The following DSCAM variants were observed in gnomAD, a reference collection of about 807,000 sequenced individuals.
DSCAM encodes the protein cell adhesion molecule DSCAM.
Under a neutral mutation model 217.7 loss-of-function variants are expected in DSCAM, and 47 were observed. The ratio of observed to expected loss-of-function variants is 0.22; its 90% CI spans 0.17 to 0.28. The LOEUF is 0.28. Among genes scored for constraint, DSCAM ranks in the 10% least tolerant of loss-of-function variants. The pLI, the probability that DSCAM is intolerant of heterozygous loss-of-function variation, is 1.00. For missense variants in DSCAM, 2,080 were observed against 2,618.3 expected (o/e 0.79, Z 4.49); for synonymous variants, 1,056 against 1,015.3 (o/e 1.04, Z -0.76).
In DSCAM at chr21:40,111,350, C is replaced by G. The variant is rs1366706248; in HGVS notation, c.3696+12845G>C. 3.3e-5 allele frequency among the ~76,000 whole-genome samples: 5 copies of G among 151,820 alleles called. No homozygotes were observed. In the East Asian group the frequency reaches 9.6e-4, roughly 29 times the overall value. ...AGTGAAGGAGAAATAAAATACTTTA[C>G]AGACAAGCAAATGCTGAGAGATTTT... On this transcript the variant is annotated intron_variant, in intron 20 of 32. Transcript: ENST00000400454.
chr21:40,623,367 A>G (rs1289534419), intron 3 of DSCAM, among the ~76,000 whole-genome samples: 1 of 152,222 alleles, frequency 6.6e-6, no homozygotes, highest in Non-Finnish European at 1.5e-5. Flanking sequence ...ACTTTGATGT[A>G]GCAAAAATTG....
At chr21:40,805,580 G>C (rs2091778785) in intron 1 of DSCAM, among the ~76,000 whole-genome samples, 1 of 152,042 alleles carries the variant, frequency 6.6e-6, no homozygotes, top group African/African-American at 2.4e-5. Flanking sequence ...ATGACCCCTT[G>C]ACCCCTCCAG....
intron 2 of DSCAM, among the ~76,000 whole-genome samples, chr21:40,696,327 A>T (rs2410286): frequency 0.11 from 17,084 of 152,160 alleles, 1,520 homozygotes; most frequent in African/African-American, 0.25. Flanking sequence ...AGCTGGGTTC[A>T]AGCGACTGAG....
intron 3 of DSCAM, among the ~76,000 whole-genome samples, chr21:40,636,814 G>A (rs1046794109): frequency 1.4e-5 from 2 of 147,258 alleles, no homozygotes; most frequent in Admixed American, 6.9e-5. Context: ...CATAGCTTGA[G>A]GATATGCTCC....
intron 3 of DSCAM, among the ~76,000 whole-genome samples, chr21:40,425,833 G>A (rs1308458553): frequency 6.6e-6 from 1 of 151,924 alleles, no homozygotes; most frequent in East Asian, 1.9e-4. Context: ...ACATGCATGT[G>A]TATCCATAAA....
chr21:40,816,195 G>A (rs1386585199), intron 1 of DSCAM, among the ~76,000 whole-genome samples: 1 of 152,226 alleles, frequency 6.6e-6, no homozygotes. Context: ...CAAACGAGAA[G>A]AAGTGTGATT....
chr21:40,471,267 T>C (rs1444154961), intron 3 of DSCAM, among the ~76,000 whole-genome samples: 1 of 152,194 alleles, frequency 6.6e-6, no homozygotes, highest in African/African-American at 2.4e-5. Context: ...TATGCTTATG[T>C]CAACTCTAAG....
chr21:40,478,591 C>G (rs2075956741), intron 3 of DSCAM, among the ~76,000 whole-genome samples: 1 of 152,062 alleles, frequency 6.6e-6, no homozygotes, highest in Non-Finnish European at 1.5e-5. Flanking sequence ...CAGTTCTTGG[C>G]CAATAGGGAG....
In DSCAM at chr21:40,142,681, C is replaced by T. The variant is rs766756553; in HGVS notation, c.3283G>A (p.Val1095Ile). The T allele has an allele frequency of 8.7e-6, 14 of 1,613,968 alleles. No individual in the cohort carries two copies. The highest frequency in any genetic ancestry group is 2.7e-5 in the African/African-American group (2 of 74,900). The change falls in exon 18 of 33, where the codon GTC (valine) becomes ATC (isoleucine). Residue 1095 changes from valine to isoleucine, a missense_variant. Physicochemically the swap from Val to Ile is conservative, Grantham distance 29. Coordinates refer to ENST00000400454, the MANE Select transcript of DSCAM (RefSeq NM_001389.5). ...TCTGGTGATGTTGCTATGGCTTGGA[C>T]ATTTTCGGGGGGGTAACTGGGCACT... ...EDVPSYPPEN[V>I]QAIATSPESI...
At chr21:40,530,449 T>C (rs561998094) in intron 3 of DSCAM, among the ~76,000 whole-genome samples, 1 of 152,332 alleles carries the variant, frequency 6.6e-6, no homozygotes, top group Non-Finnish European at 1.5e-5. Context: ...TGTCTTGAAC[T>C]GAGTTTACAC....
intron 32 of DSCAM, among the ~76,000 whole-genome samples, chr21:40,013,792 A>C (rs905250241): frequency 1.3e-5 from 2 of 152,174 alleles, no homozygotes; most frequent in African/African-American, 4.8e-5. Context: ...TTGAGGAGAG[A>C]GCCAGGGACG....
chr21:40,363,872 T>A (rs1033519938), intron 4 of DSCAM, among the ~76,000 whole-genome samples: 1 of 152,134 alleles, frequency 6.6e-6, no homozygotes, highest in Non-Finnish European at 1.5e-5. Context: ...GCAAAGGATA[T>A]GAACAGACAC....
At chr21:40,276,947 T>C (rs1177617942) in intron 10 of DSCAM, among the ~76,000 whole-genome samples, 1 of 151,786 alleles carries the variant, frequency 6.6e-6, no homozygotes, top group African/African-American at 2.4e-5. Flanking sequence ...GTATGATTCA[T>C]ATGAAGGATT....
chr21:40,443,289 C>T (rs531919334), intron 3 of DSCAM, among the ~76,000 whole-genome samples: 4 of 152,308 alleles, frequency 2.6e-5, no homozygotes, highest in South Asian at 4.1e-4. Context: ...GCATAATGTA[C>T]CCTACTTGGT....
At chr21:40,132,864 A>G (rs2090167930) in intron 19 of DSCAM, among the ~76,000 whole-genome samples, 1 of 152,200 alleles carries the variant, frequency 6.6e-6, no homozygotes, top group Admixed American at 6.5e-5. Flanking sequence ...ATACTCTAGT[A>G]GTGGGGGAGA....
chr21:40,436,707 C>T (rs2075586274), intron 3 of DSCAM, among the ~76,000 whole-genome samples: 2 of 152,134 alleles, frequency 1.3e-5, no homozygotes, highest in African/African-American at 4.8e-5. Flanking sequence ...CTAGGCCGCC[C>T]TCGTTAAAAA....
chr21:40,071,398 TTTTC>T (rs1236701719), intron 27 of DSCAM, among the ~76,000 whole-genome samples: 5 of 152,282 alleles, frequency 3.3e-5, no homozygotes, highest in East Asian at 1.9e-4. Flanking sequence ...TAGAGTCCCA[TTTTC>T]TTTCTTTCTT....
intron 3 of DSCAM, among the ~76,000 whole-genome samples, chr21:40,650,154 A>G (rs1006048097): frequency 7.2e-5 from 11 of 152,130 alleles, no homozygotes; most frequent in African/African-American, 2.7e-4. Flanking sequence ...ACTGCTTCCC[A>G]AGGTCAAATG....
At chr21:40,352,878 A>G (rs375154407) in intron 5 of DSCAM, among the ~76,000 whole-genome samples, 42 of 152,166 alleles carry the variant, frequency 2.8e-4, no homozygotes, top group Non-Finnish European at 5.6e-4. Context: ...TTCTGAACAC[A>G]TTCCTCAAGG....
Sources: allele counts gnomAD v4.1 joint callset (sites outside exome capture counted in the v4.1 genomes callset), GRCh38; gene constraint gnomAD v4.1.1; transcripts MANE v1.5; gene names NCBI Gene and HGNC (gene_info 2026-07-23, HGNC 2026-07-21).